Variants in FRZB observed in about 807,000 individuals in gnomAD.
FRZB encodes the protein secreted frizzled-related protein 3.
Under a neutral mutation model 32.5 loss-of-function variants are expected in FRZB, and 34 were observed. That is an observed-to-expected ratio of 1.05 (90% CI 0.80 to 1.39). The LOEUF (loss-of-function observed/expected upper bound fraction) is 1.39, where lower values mean the gene tolerates loss of function less well. Among genes scored for constraint, FRZB ranks in the 40% most tolerant of loss-of-function variants. FRZB has a pLI of 0.00. For synonymous variants in FRZB, 170 were observed against 159.2 expected, an observed-to-expected ratio of 1.07 and a Z score of -0.51; for missense variants, 423 against 424.8, an observed-to-expected ratio of 1.00 and a Z score of 0.04.
chr2:182,836,469 A>C (rs1226015249), intron 5 of FRZB, among the ~76,000 whole-genome samples: 1 of 152,060 alleles, frequency 6.6e-6, no homozygotes, highest in Non-Finnish European at 1.5e-5. Context: ...CAGACTGAGA[A>C]TATAAATGAC....
intron 2 of FRZB, among the ~76,000 whole-genome samples, chr2:182,847,900 G>A (rs1695663586): frequency 6.6e-6 from 1 of 152,118 alleles, no homozygotes; most frequent in Admixed American, 6.5e-5. Context: ...TCAAATAACT[G>A]GAGTTGGGAT....
intron 2 of FRZB, among the ~76,000 whole-genome samples, chr2:182,849,276 A>G (rs577390900): frequency 6.7e-5 from 9 of 134,888 alleles, no homozygotes; most frequent in Non-Finnish European, 8.2e-5. Context: ...ATAAATAAAT[A>G]AATGTTCTTT....
At chr2:182,850,361 C>G (rs1695696828) in intron 2 of FRZB, among the ~76,000 whole-genome samples, 1 of 152,158 alleles carries the variant, frequency 6.6e-6, no homozygotes. Flanking sequence ...ATCATCCTCT[C>G]TTCATTCCCT....
chr2:182,840,391 C>A lies in FRZB; in HGVS notation c.593-1778G>T, dbSNP rs113772678. Among the ~76,000 whole-genome samples the A allele has an allele frequency of 3.4e-3, 512 of 152,106 alleles. 5 individuals are homozygous for A. Among genetic ancestry groups the A allele is most frequent in the African/African-American group, 0.012 (490 of 41,518 alleles). On this transcript the variant is annotated intron_variant, in intron 3 of 5. Transcript: ENST00000295113. ...TAATGATTTATTTACCCAGTGTCTA[C>A]TATTTTCATTAGAAATGTTTAGCAC...
rs1695896387 is a variant in FRZB, at chr2:182,866,596, C to T, written c.-44G>A. On this transcript the variant is annotated 5_prime_UTR_variant, in exon 1 of 6. Coordinates refer to ENST00000295113, the MANE Select transcript of FRZB (RefSeq NM_001463.4). The surrounding 1 kb of genome is among the most constrained non-coding windows in gnomAD (Gnocchi z 4.5). ...CAGGGTGCAGCCGCGCAGTGGACGC[C>T]AAAAGGCCCGCTCCGCCGTCTCCGC... is the stretch of plus-strand genomic sequence containing the variant. 3.0e-6 allele frequency: 4 copies of T among 1,326,872 alleles called. No individual in the cohort carries two copies. In the South Asian group the frequency reaches 6.7e-5, roughly 22 times the overall value. 82.2% of individuals were successfully genotyped at this position (1,326,872 alleles called of 1,614,324 possible).
At chr2:182,863,901 C>T (rs1198129286) in intron 1 of FRZB, among the ~76,000 whole-genome samples, 2 of 152,102 alleles carry the variant, frequency 1.3e-5, no homozygotes, top group Non-Finnish European at 2.9e-5. Context: ...TCCCAATTTC[C>T]ACCTCCCCCC....
intron 1 of FRZB, among the ~76,000 whole-genome samples, 199 bp from the exon 2 acceptor site, chr2:182,859,032 T>C (rs1695801819): frequency 8.5e-5 from 13 of 152,086 alleles, no homozygotes; most frequent in Admixed American, 7.2e-4. Flanking sequence ...TTTCATGTGG[T>C]TATAAGGAAA....
intron 5 of FRZB, 133 bp from the exon 6 acceptor site, chr2:182,835,098 C>A: frequency 1.5e-6 from 1 of 674,162 alleles, no homozygotes; most frequent in East Asian, 2.6e-5. Context: ...AAGTATCAAT[C>A]TATTTCCCAG....
intron 5 of FRZB, among the ~76,000 whole-genome samples, chr2:182,837,498 T>C (rs907706296): frequency 1.3e-5 from 2 of 148,660 alleles, no homozygotes; most frequent in Non-Finnish European, 1.5e-5. Context: ...AAGTAAAAAC[T>C]GCTTGATGAG....
intron 2 of FRZB, among the ~76,000 whole-genome samples, chr2:182,849,851 A>G (rs868209930): frequency 2.0e-5 from 3 of 152,338 alleles, no homozygotes; most frequent in Middle Eastern, 3.4e-3. Context: ...GAATATCCAA[A>G]ATATAGAAAG....
chr2:182,846,922 C>T (rs973420622), intron 2 of FRZB, among the ~76,000 whole-genome samples: 1 of 152,104 alleles, frequency 6.6e-6, no homozygotes, highest in African/African-American at 2.4e-5. Flanking sequence ...CTTCTGACTC[C>T]ATAACTCTGG....
At chr2:182,854,711 C>T (rs1695749103) in intron 2 of FRZB, among the ~76,000 whole-genome samples, 2 of 152,278 alleles carry the variant, frequency 1.3e-5, no homozygotes, top group South Asian at 4.1e-4. Context: ...CTTGTAGTTC[C>T]AAAAGACTGG....
intron 5 of FRZB, among the ~76,000 whole-genome samples, chr2:182,835,716 G>A (rs1251508039): frequency 6.6e-6 from 1 of 151,954 alleles, no homozygotes; most frequent in African/African-American, 2.4e-5. Flanking sequence ...TATCATATGG[G>A]GAATTTGTTA....
intron 2 of FRZB, among the ~76,000 whole-genome samples, chr2:182,850,496 C>A (rs1414036152): frequency 6.6e-6 from 1 of 152,136 alleles, no homozygotes; most frequent in African/African-American, 2.4e-5. Flanking sequence ...TCTTTCTGGG[C>A]TTGGCTTATT....
intron 2 of FRZB, among the ~76,000 whole-genome samples, chr2:182,846,342 A>G (rs1206841853): frequency 1.3e-5 from 2 of 152,172 alleles, no homozygotes; most frequent in East Asian, 3.8e-4. Context: ...GTGTAAGACT[A>G]TAATTAACTT....
intron 5 of FRZB, among the ~76,000 whole-genome samples, chr2:182,836,447 A>C (rs549979516): frequency 6.6e-6 from 1 of 152,234 alleles, no homozygotes; most frequent in South Asian, 2.1e-4. Context: ...TTTCCTTTAG[A>C]ATATTTAAAT....
chr2:182,834,189 G>C lies in FRZB; in HGVS notation c.*660C>G, dbSNP rs1695498084. 1 of 152,250 alleles carries C rather than the reference G, an allele frequency of 6.6e-6. No individual in the cohort carries two copies. The highest frequency in any genetic ancestry group is 2.4e-5 in the African/African-American group (1 of 41,442). 9.4% of individuals were successfully genotyped at this position (152,250 alleles called of 1,614,324 possible). A position where few individuals can be genotyped will look rare whatever the true frequency, so the allele number is the denominator to read the frequency against. On this transcript the variant is annotated 3_prime_UTR_variant, in exon 6 of 6. Transcript: ENST00000295113. ...ACCCCAGCGGCTACTGGTTTCAGTT[G>C]TGCTTCTCAATCAGGCAAAATGTTC...
intron 1 of FRZB, among the ~76,000 whole-genome samples, chr2:182,864,837 G>A (rs1001469203): frequency 2.6e-5 from 4 of 152,130 alleles, no homozygotes; most frequent in African/African-American, 7.2e-5. Flanking sequence ...ACAGATGGAG[G>A]CAACCAAGTC....
rs1458860140 is a variant in FRZB, at chr2:182,833,729, A to C, written c.*1120T>G. The C allele has an allele frequency of 6.6e-6, 1 of 152,164 alleles. No individual in the cohort carries two copies. 9.4% of individuals were successfully genotyped at this position (152,164 alleles called of 1,614,324 possible). A position where few individuals can be genotyped will look rare whatever the true frequency, so the allele number is the denominator to read the frequency against. On this transcript the variant is annotated 3_prime_UTR_variant, in exon 6 of 6. Coordinates refer to ENST00000295113, the MANE Select transcript of FRZB (RefSeq NM_001463.4). ...TACTAGACATTTTTCGCTGAGCATT[A>C]AGCAGCACAAATCCAAATGATAAAG...
Sources: allele counts gnomAD v4.1 joint callset (sites outside exome capture counted in the v4.1 genomes callset), GRCh38; gene constraint gnomAD v4.1.1; non-coding constraint Gnocchi (gnomAD v3.1); transcripts MANE v1.5; gene names NCBI Gene and HGNC (gene_info 2026-07-23, HGNC 2026-07-21).